The following ADAMTSL1 variants were observed in gnomAD, a reference collection of about 807,000 sequenced individuals.
The protein encoded by ADAMTSL1 is ADAMTS-like protein 1.
Under a neutral mutation model 201.8 loss-of-function variants are expected in ADAMTSL1, and 126 were observed. That is an observed-to-expected ratio of 0.62 (90% CI 0.54 to 0.72). ADAMTSL1 has a LOEUF of 0.72. ADAMTSL1 is among the 30% of genes least tolerant of loss of function. The pLI is 0.00. For missense variants in ADAMTSL1, 2,679 were observed against 2,277.8 expected, an observed-to-expected ratio of 1.18 and a Z score of -3.59; for synonymous variants, 1,121 against 903.4, an observed-to-expected ratio of 1.24 and a Z score of -4.32.
At chr9:17,986,504 T>A (rs918408900) in intron 1 of ADAMTSL1, among the ~76,000 whole-genome samples, 2 of 152,110 alleles carry the variant, frequency 1.3e-5, no homozygotes, top group Non-Finnish European at 2.9e-5. Context: ...TGATCTGTAA[T>A]CCTCTGTCAT....
chr9:18,734,567 C>T (rs1818400882), intron 15 of ADAMTSL1, among the ~76,000 whole-genome samples: 1 of 152,158 alleles, frequency 6.6e-6, no homozygotes, highest in Non-Finnish European at 1.5e-5. Context: ...CGCGCACTAA[C>T]AGCTTATTAG....
chr9:18,398,377 A>G (rs1156490990), intron 2 of ADAMTSL1, among the ~76,000 whole-genome samples: 1 of 152,194 alleles, frequency 6.6e-6, no homozygotes, highest in Non-Finnish European at 1.5e-5. Context: ...CATCAGATAC[A>G]GCTATATGCA....
At chr9:17,925,012 A>C (rs1306270680) in intron 1 of ADAMTSL1, among the ~76,000 whole-genome samples, 2 of 117,882 alleles carry the variant, frequency 1.7e-5, no homozygotes, top group African/African-American at 6.0e-5. Context: ...TTACAAGAAA[A>C]AAACAAACAA....
At chr9:17,978,630 A>T (rs750531041) in intron 1 of ADAMTSL1, among the ~76,000 whole-genome samples, 2 of 152,142 alleles carry the variant, frequency 1.3e-5, no homozygotes, top group Non-Finnish European at 2.9e-5. Flanking sequence ...TTTAAATATG[A>T]TGTACTCATT....
chr9:18,264,938 T>A (rs1438235947), intron 2 of ADAMTSL1, among the ~76,000 whole-genome samples: 1 of 152,164 alleles, frequency 6.6e-6, no homozygotes, highest in Non-Finnish European at 1.5e-5. Context: ...TAAATAATGA[T>A]AGTATGTTTT....
intron 1 of ADAMTSL1, among the ~76,000 whole-genome samples, chr9:17,918,149 A>G (rs975913298): frequency 1.3e-5 from 2 of 151,160 alleles, no homozygotes; most frequent in African/African-American, 4.9e-5. Flanking sequence ...TTTGTTTTCT[A>G]TTTCACTCAT....
chr9:18,758,857 C>G (rs946925682), intron 16 of ADAMTSL1, among the ~76,000 whole-genome samples: 1 of 152,192 alleles, frequency 6.6e-6, no homozygotes, highest in Non-Finnish European at 1.5e-5. Context: ...ACTTAGTCCC[C>G]ACTAGCACAA....
At chr9:17,966,403 A>C (rs1387886871) in intron 1 of ADAMTSL1, among the ~76,000 whole-genome samples, 2 of 152,186 alleles carry the variant, frequency 1.3e-5, no homozygotes, top group African/African-American at 2.4e-5. Flanking sequence ...CAAGCGAAGA[A>C]ACAGGACTTT....
At chr9:18,412,262 G>A (rs1818475745) in intron 2 of ADAMTSL1, among the ~76,000 whole-genome samples, 1 of 152,156 alleles carries the variant, frequency 6.6e-6, no homozygotes, top group South Asian at 2.1e-4. Flanking sequence ...ATCATATTGT[G>A]ATAGGTACAA....
chr9:18,386,763 T>A (rs2133204760), intron 2 of ADAMTSL1, among the ~76,000 whole-genome samples: 1 of 152,304 alleles, frequency 6.6e-6, no homozygotes, highest in Admixed American at 6.5e-5. Context: ...CATTTTCGGA[T>A]CCTTTAGACT....
chr9:18,795,379 T>C lies in ADAMTSL1; in HGVS notation c.3678-18T>C. 6.2e-7 allele frequency: 1 copy of C among 1,613,574 alleles called. No individual in the cohort carries two copies. Among genetic ancestry groups the C allele is most frequent in the South Asian group, 1.1e-5 (1 of 91,016 alleles). Reference sequence around the variant, plus strand: ...CAACTGACTTGACCAGGTCTATATTTCTTTTCTGTCGCTCCAGGATTCTTC... The same window carrying C: ...CAACTGACTTGACCAGGTCTATATTCCTTTTCTGTCGCTCCAGGATTCTTC... On this transcript the variant is annotated intron_variant, in intron 19 of 28. Transcript: ENST00000380548.
intron 2 of ADAMTSL1, among the ~76,000 whole-genome samples, chr9:18,243,939 G>A (rs1831161463): frequency 6.6e-6 from 1 of 152,090 alleles, no homozygotes. Flanking sequence ...TGAATGCTTA[G>A]TGCAGTCATA....
intron 2 of ADAMTSL1, among the ~76,000 whole-genome samples, chr9:18,406,851 C>T (rs189014001): frequency 2.8e-4 from 42 of 152,156 alleles, no homozygotes; most frequent in Admixed American, 7.2e-4. Flanking sequence ...CAAATGTGTG[C>T]TTGTGGGAAA....
intron 2 of ADAMTSL1, among the ~76,000 whole-genome samples, chr9:18,277,986 A>G (rs1177813963): frequency 6.6e-6 from 1 of 152,156 alleles, no homozygotes; most frequent in African/African-American, 2.4e-5. Flanking sequence ...CTTACATAAA[A>G]TATCTTACAA....
At chr9:18,347,512 C>A (rs1835778564) in intron 2 of ADAMTSL1, among the ~76,000 whole-genome samples, 2 of 152,030 alleles carry the variant, frequency 1.3e-5, no homozygotes, top group South Asian at 4.1e-4. Context: ...AGGAGCAAAA[C>A]CTCTTCAGCT....
In ADAMTSL1 at chr9:17,948,800, A is replaced by G. The variant is rs993158713; in HGVS notation, c.87+41878A>G. Among the ~76,000 whole-genome samples, 23 of 152,240 alleles carry G rather than the reference A, an allele frequency of 1.5e-4. No homozygotes were observed. In the East Asian group the frequency reaches 1.5e-3, roughly 10 times the overall value. On this transcript the variant is annotated intron_variant, in intron 1 of 29. Transcript: ENST00000680146. ...GACTTTAAAAATTAAAATGGCAACA[A>G]TAGGACAAATGTAATGGGCAGGATG...
chr9:18,497,705 G>A lies in ADAMTSL1; in HGVS notation c.64-7124G>A, dbSNP rs114497356. Among the ~76,000 whole-genome samples the A allele has an allele frequency of 5.3e-3, 799 of 152,184 alleles. 4 individuals are homozygous for A. The highest frequency in any genetic ancestry group is 0.018 in the African/African-American group (752 of 41,522). On this transcript the variant is annotated intron_variant, in intron 1 of 28. Coordinates refer to ENST00000380548, the MANE Select transcript of ADAMTSL1 (RefSeq NM_001040272.6). ...GATTCAAAATATTCAATGGTCTGTCGAAAATTTCCTGAATACTAACCTTTG... is the reference window on the plus strand; with the variant it reads ...GATTCAAAATATTCAATGGTCTGTCAAAAATTTCCTGAATACTAACCTTTG...
At chr9:18,529,917 C>CTTTTG (rs1055564789) in intron 2 of ADAMTSL1, among the ~76,000 whole-genome samples, 1 of 152,100 alleles carries the variant, frequency 6.6e-6, no homozygotes, top group African/African-American at 2.4e-5. Context: ...CTTTGCTTTG[C>CTTTTG]TTTTGTTTTG....
rs532556219 is a variant in ADAMTSL1, at chr9:18,478,449, A to G, written c.63+4154A>G. Reference sequence around the variant, plus strand: ...GCCGTGTAGATACAGTTTGTGAACTAAATGAAGAGAAAAAATGACTTACAG... The same window carrying G: ...GCCGTGTAGATACAGTTTGTGAACTGAATGAAGAGAAAAAATGACTTACAG... On this transcript the variant is annotated intron_variant, in intron 1 of 28. Coordinates refer to ENST00000380548, the MANE Select transcript of ADAMTSL1 (RefSeq NM_001040272.6). 1.8e-4 allele frequency among the ~76,000 whole-genome samples: 28 copies of G among 152,120 alleles called. 1 individual carries two copies. The South Asian group carries it at 1.9e-3, about 10-fold the overall frequency.
Sources: allele counts gnomAD v4.1 joint callset (sites outside exome capture counted in the v4.1 genomes callset), GRCh38; gene constraint gnomAD v4.1.1; transcripts MANE v1.5; gene names NCBI Gene and HGNC (gene_info 2026-07-23, HGNC 2026-07-21).